Variants in ICE2 observed in about 807,000 individuals in gnomAD.
ICE2 encodes the protein interactor of little elongation complex ELL subunit 2.
Under a neutral mutation model 105.4 loss-of-function variants are expected in ICE2, and 87 were observed. That is an observed-to-expected ratio of 0.83 (90% CI 0.69 to 0.99). The LOEUF is 0.99. ICE2 is among the 50% of genes least tolerant of loss of function. ICE2 has a pLI of 0.00. For synonymous variants in ICE2, 399 were observed against 392.0 expected, an observed-to-expected ratio of 1.02 and a Z score of -0.21; for missense variants, 1,323 against 1,146.7, an observed-to-expected ratio of 1.15 and a Z score of -2.22.
Position 60,466,590 on chromosome 15 carries a change from T to C in ICE2, c.528+4A>G. 1 of 1,609,480 alleles carries C rather than the reference T, an allele frequency of 6.2e-7. No individual in the cohort carries two copies. The highest frequency in any genetic ancestry group is 8.5e-7 in the Non-Finnish European group (1 of 1,179,322). The stretch of plus-strand genomic sequence containing the variant: ...ATTTACACAAATGTGAGTTGTTTTT[T>C]TACCTCTGTGAAGAGACGGGCATCA... On this transcript the variant is annotated splice_donor_region_variant and intron_variant, in intron 5 of 15. Transcript: ENST00000261520.
At chr15:60,426,403 G>A (rs1284834500) in intron 15 of ICE2, among the ~76,000 whole-genome samples, 4 of 152,088 alleles carry the variant, frequency 2.6e-5, no homozygotes, top group Admixed American at 6.5e-5. Context: ...TATACCATAC[G>A]GCCTAAGTGT....
At chr15:60,430,242 C>T (rs1233094757) in intron 14 of ICE2, among the ~76,000 whole-genome samples, 1 of 152,090 alleles carries the variant, frequency 6.6e-6, no homozygotes, top group African/African-American at 2.4e-5. Context: ...CTTAACTTGG[C>T]GTTGTAACTT....
chr15:60,472,470 ACAT>A (rs1436241359), intron 3 of ICE2, among the ~76,000 whole-genome samples: 3 of 152,208 alleles, frequency 2.0e-5, no homozygotes, highest in Non-Finnish European at 1.5e-5. Context: ...AAGACTAGAA[ACAT>A]CATATCAATA....
rs962673659 is a variant in ICE2 at position 60,457,925 on chromosome 15, T to C, written c.529-1131A>G. ...TTCCTATGGTAGTTATTACAAGAAT[T>C]TGAATATGCAAAGGAAGGTGATAAA... On this transcript the variant is annotated intron_variant, in intron 5 of 15. Transcript: ENST00000261520. Among the ~76,000 whole-genome samples, 6 of 152,324 alleles carry C rather than the reference T, an allele frequency of 3.9e-5. No individual in the cohort carries two copies. The East Asian group carries it at 5.8e-4, about 15-fold the overall frequency.
At chr15:60,466,065 T>A (rs1209629259) in intron 5 of ICE2, among the ~76,000 whole-genome samples, 2 of 152,168 alleles carry the variant, frequency 1.3e-5, no homozygotes, top group Non-Finnish European at 2.9e-5. Flanking sequence ...TTAAGTAGTA[T>A]ACTTTAATTT....
At chr15:60,456,441 G>A (rs1316749506) in intron 6 of ICE2, among the ~76,000 whole-genome samples, 2 of 149,080 alleles carry the variant, frequency 1.3e-5, no homozygotes, top group East Asian at 2.0e-4. Context: ...CTACTTGGGA[G>A]GCTAAGGCAG....
At chr15:60,472,355 T>TA (rs1223500946) in intron 3 of ICE2, among the ~76,000 whole-genome samples, 1 of 152,062 alleles carries the variant, frequency 6.6e-6, no homozygotes, top group Non-Finnish European at 1.5e-5. Flanking sequence ...TTGTAAACAA[T>TA]AAAGCCTGAA....
chr15:60,424,470 A>ACCCT (rs2063297240), intron 15 of ICE2, among the ~76,000 whole-genome samples: 1 of 79,832 alleles, frequency 1.3e-5, no homozygotes, highest in African/African-American at 4.4e-5. Flanking sequence ...ACCCTTCCTT[A>ACCCT]CCCTCACTTT....
intron 9 of ICE2, 132 bp downstream of exon 9, chr15:60,453,471 G>A (rs1211845999): frequency 8.4e-6 from 12 of 1,429,938 alleles, no homozygotes; most frequent in Middle Eastern, 2.6e-4. Context: ...AGCTAGACTC[G>A]AAATTCAATT....
In ICE2 at chr15:60,442,456, C is replaced by G; in HGVS notation, c.2385G>C (p.Trp795Cys). 6.3e-7 allele frequency: 1 copy of G among 1,599,176 alleles called. No homozygotes were observed. The highest frequency in any genetic ancestry group is 8.5e-7 in the Non-Finnish European group (1 of 1,177,176). ...TGTTGGAATGCAATAAACTTTCAGT[C>G]CATAAGCGACAAAGTTCACTTTCAG... ...ALTESELCRL[W>C]TESLLHSNSS... Residue 795 changes from tryptophan (W) to cysteine (C), a missense_variant, in exon 12 of 16, where the codon TGG (tryptophan) becomes TGC (cysteine). Physicochemically the swap from Trp to Cys is radical, Grantham distance 215 (BLOSUM62 -2). Transcript: ENST00000261520.
Position 60,423,464 on chromosome 15 carries a change from T to C in ICE2, c.*170A>G, listed in dbSNP as rs2063269433. 2.0e-6 allele frequency: 1 copy of C among 505,730 alleles called. No individual in the cohort carries two copies. Among genetic ancestry groups the C allele is most frequent in the African/African-American group, 2.0e-5 (1 of 49,666 alleles). The allele number at this position is 505,730 out of a possible 1,614,324, so 31.3% of individuals were successfully genotyped here. On this transcript the variant is annotated 3_prime_UTR_variant, in exon 16 of 16. Coordinates refer to ENST00000261520, the MANE Select transcript of ICE2 (RefSeq NM_024611.6). ...AACTTCAAGGGTGAAAAGCATACCA[T>C]TCCATTTTAGTTGAAATATTCCTTC...
At chr15:60,443,312 T>G (rs1371259643) in intron 11 of ICE2, among the ~76,000 whole-genome samples, 3 of 152,236 alleles carry the variant, frequency 2.0e-5, no homozygotes, top group African/African-American at 7.2e-5. Flanking sequence ...AAACACATGA[T>G]TTAAGGTACT....
intron 5 of ICE2, among the ~76,000 whole-genome samples, chr15:60,462,752 C>T (rs187300097): frequency 6.6e-6 from 1 of 151,678 alleles, no homozygotes; most frequent in Non-Finnish European, 1.5e-5. Flanking sequence ...CCTCTATATA[C>T]ATATATATAT....
chr15:60,431,781 T>C (rs1052728043), intron 14 of ICE2, among the ~76,000 whole-genome samples, 153 bp downstream of exon 14: 9 of 152,258 alleles, frequency 5.9e-5, no homozygotes, highest in African/African-American at 1.9e-4. Context: ...TTACTTTATA[T>C]TTTTACAATA....
chr15:60,466,373 G>A (rs756610255), intron 5 of ICE2, among the ~76,000 whole-genome samples: 8 of 152,172 alleles, frequency 5.3e-5, no homozygotes, highest in Admixed American at 1.3e-4. Flanking sequence ...ACAGTAGCTG[G>A]ATTGTTAAAG....
intron 6 of ICE2, among the ~76,000 whole-genome samples, chr15:60,456,340 C>A (rs1187884085): frequency 6.7e-6 from 1 of 149,234 alleles, no homozygotes. Context: ...GTCAGGAGTT[C>A]GAGACCAGCC....
At position 60,420,442 on chromosome 15, in the gene ICE2, T is replaced by C. The variant is rs975267088; in HGVS notation, c.*3192A>G. 1 of 152,244 alleles carries C rather than the reference T, an allele frequency of 6.6e-6. No individual in the cohort carries two copies. Among genetic ancestry groups the C allele is most frequent in the African/African-American group, 2.4e-5 (1 of 41,462 alleles). The allele number at this position is 152,244 out of a possible 1,614,324, so 9.4% of individuals were successfully genotyped here. A position where few individuals can be genotyped will look rare whatever the true frequency, so the allele number is the denominator to read the frequency against. ...TTCGCTTCCCAGCTCCATCGCATTC[T>C]CTAGACTAATGCCAACAAGAGCCCT... On this transcript the variant is annotated 3_prime_UTR_variant, in exon 16 of 16. Transcript: ENST00000261520.
chr15:60,439,929 A>G (rs1452439285), intron 12 of ICE2: 2 of 152,210 alleles, frequency 1.3e-5, no homozygotes, highest in Non-Finnish European at 2.9e-5. Context: ...TTCCTCTGTA[A>G]TTCCATTTAT....
chr15:60,462,575 G>A (rs2064308818), intron 5 of ICE2, among the ~76,000 whole-genome samples: 3 of 151,958 alleles, frequency 2.0e-5, no homozygotes, highest in South Asian at 2.1e-4. Flanking sequence ...AACAGAAAAA[G>A]GAGAAAAACT....
Sources: gnomAD v4.1 joint callset for allele counts (sites outside exome capture counted in the v4.1 genomes callset) on GRCh38, gnomAD v4.1.1 for gene constraint, MANE v1.5 for transcripts, NCBI Gene and HGNC (gene_info 2026-07-23, HGNC 2026-07-21) for gene names.